PRKD1: variants seen among roughly 807,000 people sequenced by gnomAD.
PRKD1 encodes the protein serine/threonine-protein kinase D1.
PRKD1 carries 63 observed loss-of-function variants against 95.9 expected under a neutral mutation model. The ratio of observed to expected loss-of-function variants is 0.66; its 90% CI spans 0.54 to 0.81. The LOEUF (loss-of-function observed/expected upper bound fraction) is 0.81, where lower values mean the gene tolerates loss of function less well. PRKD1 is among the 30% of genes least tolerant of loss of function. PRKD1 has a pLI of 0.00. For synonymous variants in PRKD1, 425 were observed against 423.1 expected (o/e 1.00, Z -0.05); for missense variants, 1,048 against 1,165.3 (o/e 0.90, Z 1.47).
chr14:29,632,727 T>C lies in PRKD1; in HGVS notation c.1392+142A>G, dbSNP rs151253891. ...TGAATCCCAAGAAATTTGTAGACTATAGAGAAGAAAAAAAAAATAGTTCCT... is the reference window on the plus strand; with the variant it reads ...TGAATCCCAAGAAATTTGTAGACTACAGAGAAGAAAAAAAAAATAGTTCCT... On this transcript the variant is annotated intron_variant, in intron 9 of 17. Transcript: ENST00000331968. 305 of 696,842 alleles carry C rather than the reference T, an allele frequency of 4.4e-4. No homozygotes were observed. The African/African-American group carries it at 4.8e-3, about 11-fold the overall frequency. The allele number at this position is 696,842 out of a possible 1,614,324, so 43.2% of individuals were successfully genotyped here.
intron 1 of PRKD1, among the ~76,000 whole-genome samples, chr14:29,766,539 A>T (rs1343327953): frequency 6.6e-6 from 1 of 152,188 alleles, no homozygotes; most frequent in Non-Finnish European, 1.5e-5. Context: ...AACAGTGCTG[A>T]TAATATGTTA....
At chr14:29,821,060 G>A (rs559315215) in intron 1 of PRKD1, among the ~76,000 whole-genome samples, 20 of 152,326 alleles carry the variant, frequency 1.3e-4, no homozygotes, top group African/African-American at 4.3e-4. Context: ...TTTGAAATTC[G>A]AGTGTAGTAT....
At chr14:29,698,300 T>C (rs1884641322) in intron 2 of PRKD1, among the ~76,000 whole-genome samples, 1 of 152,190 alleles carries the variant, frequency 6.6e-6, no homozygotes. Context: ...TGTCATTTTT[T>C]AATGAAGAGA....
intron 1 of PRKD1, among the ~76,000 whole-genome samples, chr14:29,873,857 T>C (rs777042107): frequency 6.6e-5 from 10 of 151,970 alleles, no homozygotes; most frequent in Admixed American, 2.6e-4. Context: ...TATATAATTA[T>C]ACACACACAT....
intron 1 of PRKD1, among the ~76,000 whole-genome samples, chr14:29,801,983 C>T (rs561730859): frequency 6.7e-4 from 102 of 152,278 alleles, no homozygotes; most frequent in African/African-American, 2.4e-3. Context: ...CCACCAGGCC[C>T]GGCCTGGGTC....
intron 6 of PRKD1, 45 bp downstream of exon 6, chr14:29,638,444 C>G (rs1282272407): frequency 6.2e-7 from 1 of 1,601,372 alleles, no homozygotes. Context: ...ACCACACTCT[C>G]TAATATGGAA....
At chr14:29,731,647 A>G (rs529809595) in intron 1 of PRKD1, among the ~76,000 whole-genome samples, 2 of 152,146 alleles carry the variant, frequency 1.3e-5, no homozygotes, top group Non-Finnish European at 1.5e-5. Context: ...AACTTGGTAC[A>G]TTTTCTTGAA....
At chr14:29,625,419 G>A (rs45531639) in intron 12 of PRKD1, among the ~76,000 whole-genome samples, 4,146 of 151,984 alleles carry the variant, frequency 0.027, 197 homozygotes, top group African/African-American at 0.088. Flanking sequence ...CCTATTCCTG[G>A]TCTTCAGTGT....
rs143628136 is a variant in PRKD1 at position 29,872,581 on chromosome 14, G to A, written c.264+54668C>T. 1.1e-4 allele frequency among the ~76,000 whole-genome samples: 17 copies of A among 151,706 alleles called. No homozygotes were observed. In the East Asian group the frequency reaches 3.1e-3, roughly 28 times the overall value. On this transcript the variant is annotated intron_variant, in intron 1 of 17. Coordinates refer to ENST00000331968, the MANE Select transcript of PRKD1 (RefSeq NM_002742.3). ...ACAGACAGGAGAAGTGCTTGAACCC[G>A]GGAGGCGGAGGCTGCAGTGAGCCGA...
At chr14:29,726,493 T>C (rs1886151449) in intron 1 of PRKD1, among the ~76,000 whole-genome samples, 1 of 152,176 alleles carries the variant, frequency 6.6e-6, no homozygotes, top group Non-Finnish European at 1.5e-5. Context: ...AAAAGAAAAT[T>C]ATCTTTCTTC....
intron 1 of PRKD1, among the ~76,000 whole-genome samples, chr14:29,728,164 A>AAT (rs1271979314): frequency 9.7e-6 from 1 of 103,486 alleles, no homozygotes; most frequent in Non-Finnish European, 2.3e-5. Context: ...GTATAATAAT[A>AAT]AAAAAAAGAA....
intron 1 of PRKD1, among the ~76,000 whole-genome samples, chr14:29,742,255 T>C (rs1049618925): frequency 7.9e-5 from 12 of 152,056 alleles, no homozygotes; most frequent in Non-Finnish European, 1.5e-4. Context: ...CCAAAGACAA[T>C]AAAACCACCT....
chr14:29,814,210 G>T (rs1036841964), intron 1 of PRKD1, among the ~76,000 whole-genome samples: 3 of 152,108 alleles, frequency 2.0e-5, no homozygotes, highest in African/African-American at 7.2e-5. Flanking sequence ...TTTTGCTCAC[G>T]ACCTCACCTG....
intron 1 of PRKD1, among the ~76,000 whole-genome samples, chr14:29,772,010 C>A (rs1888530850): frequency 6.6e-6 from 1 of 152,204 alleles, no homozygotes; most frequent in African/African-American, 2.4e-5. Context: ...AGGCTCACAA[C>A]TGGAGAGAAA....
rs746727160 is a variant in PRKD1 at position 29,620,436 on chromosome 14, G to A, written c.1905+3716C>T. 5.8e-3 allele frequency among the ~76,000 whole-genome samples: 864 copies of A among 147,974 alleles called. 1 individual carries two copies. The highest frequency in any genetic ancestry group is 0.01 in the Middle Eastern group (3 of 292). On this transcript the variant is annotated intron_variant, in intron 13 of 17. Transcript: ENST00000331968. The stretch of plus-strand genomic sequence containing the variant: ...TTCGCAACCTATTCATCTGACAAAG[G>A]GCTAATATCCAGAATCTACAATGAA...
intron 1 of PRKD1, among the ~76,000 whole-genome samples, chr14:29,865,953 A>G (rs1284805299): frequency 6.6e-6 from 1 of 152,184 alleles, no homozygotes; most frequent in Non-Finnish European, 1.5e-5. Flanking sequence ...GGTTTATAAG[A>G]TATTTTTTAA....
At chr14:29,840,022 C>T (rs1891769208) in intron 1 of PRKD1, among the ~76,000 whole-genome samples, 1 of 151,578 alleles carries the variant, frequency 6.6e-6, no homozygotes, top group African/African-American at 2.4e-5. Context: ...ACATTCAGCT[C>T]ATTACTTATG....
At chr14:29,710,258 C>G (rs1237990220) in intron 2 of PRKD1, among the ~76,000 whole-genome samples, 1 of 151,982 alleles carries the variant, frequency 6.6e-6, no homozygotes, top group Non-Finnish European at 1.5e-5. Context: ...GATTTAGTGA[C>G]AGAGTTGGGC....
chr14:29,799,165 A>T (rs982831537), intron 1 of PRKD1, among the ~76,000 whole-genome samples: 2 of 152,252 alleles, frequency 1.3e-5, no homozygotes, highest in African/African-American at 4.8e-5. Flanking sequence ...TCAAAGTTGT[A>T]GACTTGCTAA....
Sources: allele counts gnomAD v4.1 joint callset (sites outside exome capture counted in the v4.1 genomes callset), GRCh38; gene constraint gnomAD v4.1.1; transcripts MANE v1.5; gene names NCBI Gene and HGNC (gene_info 2026-07-23, HGNC 2026-07-21).